IQCH: variants seen among roughly 807,000 people sequenced by gnomAD.
IQCH encodes the protein IQ domain-containing protein H.
A neutral mutation model predicts 117.0 loss-of-function variants in IQCH; 98 were observed. The ratio of observed to expected loss-of-function variants is 0.84; its 90% CI spans 0.71 to 0.99. The LOEUF (loss-of-function observed/expected upper bound fraction) is 0.99. Among genes scored for constraint, IQCH ranks in the 50% least tolerant of loss-of-function variants. IQCH has a pLI of 0.00. For missense variants in IQCH, 1,102 were observed against 1,243.8 expected (o/e 0.89, Z 1.72); for synonymous variants, 412 against 448.2 (o/e 0.92, Z 1.02).
chr15:67,340,143 C>T (rs1251195848), intron 5 of IQCH, among the ~76,000 whole-genome samples: 1 of 151,936 alleles, frequency 6.6e-6, no homozygotes, highest in African/African-American at 2.4e-5. Flanking sequence ...AAAAGTGACT[C>T]GTCGGCCAGC....
At chr15:67,452,904 T>C (rs367746187) in intron 16 of IQCH, among the ~76,000 whole-genome samples, 2 of 152,196 alleles carry the variant, frequency 1.3e-5, no homozygotes, top group African/African-American at 2.4e-5. Context: ...TCCCATATTT[T>C]TTGGAGGCTT....
chr15:67,478,216 C>T (rs555277432), intron 18 of IQCH, among the ~76,000 whole-genome samples: 6 of 152,088 alleles, frequency 3.9e-5, no homozygotes, highest in Non-Finnish European at 8.8e-5. Flanking sequence ...GAAACTCCGT[C>T]TCTACTGAAA....
Position 67,261,389 on chromosome 15 carries a change from T to C in IQCH, c.169T>C (p.Leu57=). 1.3e-6 allele frequency: 2 copies of C among 1,586,372 alleles called. No homozygotes were observed. Among genetic ancestry groups the C allele is most frequent in the African/African-American group, 1.4e-5 (1 of 72,866 alleles). ...ETAIKRTEVG[L]RIHIEKYLNV... ...AGCAATCAAAAGGACTGAAGTGGGG[T>C]TAAGAGTAAGTAGAGCTTTAGATAT... The change falls in exon 2 of 21, where the codon TTA becomes CTA. Residue 57 remains leucine, a synonymous_variant. Coordinates refer to ENST00000335894, the MANE Select transcript of IQCH (RefSeq NM_001031715.3).
intron 8 of IQCH, chr15:67,360,244 C>T (rs560875658): frequency 4.3e-5 from 12 of 276,130 alleles, no homozygotes; most frequent in East Asian, 9.2e-5. Flanking sequence ...AAAATAAATG[C>T]GGTTGTCCCC....
intron 4 of IQCH, chr15:67,307,350 A>G (rs565527993): frequency 1.7e-5 from 3 of 173,240 alleles, no homozygotes; most frequent in Admixed American, 6.5e-5. Flanking sequence ...TTCACAAATC[A>G]TAGTTTCATT....
At chr15:67,414,101 G>T (rs2081516109) in intron 14 of IQCH, among the ~76,000 whole-genome samples, 1 of 152,216 alleles carries the variant, frequency 6.6e-6, no homozygotes. Flanking sequence ...GTCCGCCCAG[G>T]AAGAATTTGT....
At position 67,454,322 on chromosome 15, in the gene IQCH, C is replaced by T. The variant is rs912438815; in HGVS notation, c.2506-10805C>T. On this transcript the variant is annotated intron_variant, in intron 16 of 20. Coordinates refer to ENST00000335894, the MANE Select transcript of IQCH (RefSeq NM_001031715.3). The surrounding 1 kb of genome is among the most constrained non-coding windows in gnomAD (Gnocchi z 5.2). ...GAAATCACCCGTCTTCTGCGTCGCT[C>T]ACGCTGGGAGCTGTAGACCGGAGCT... is the stretch of plus-strand genomic sequence containing the variant. Among the ~76,000 whole-genome samples, 3 of 152,252 alleles carry T rather than the reference C, an allele frequency of 2.0e-5. No individual in the cohort carries two copies. The highest frequency in any genetic ancestry group is 7.2e-5 in the African/African-American group (3 of 41,466).
At chr15:67,434,953 T>A (rs556836191) in intron 16 of IQCH, among the ~76,000 whole-genome samples, 2 of 150,650 alleles carry the variant, frequency 1.3e-5, no homozygotes, top group African/African-American at 2.4e-5. Context: ...GTATTTTTTT[T>A]TAATTTTTTT....
Position 67,426,017 on chromosome 15 carries a change from T to C in IQCH, c.2505+4440T>C, listed in dbSNP as rs773955352. Among the ~76,000 whole-genome samples the C allele has an allele frequency of 1.3e-5, 2 of 152,244 alleles. No homozygotes were observed. The highest frequency in any genetic ancestry group is 2.9e-5 in the Non-Finnish European group (2 of 68,052). On this transcript the variant is annotated intron_variant, in intron 16 of 20. Transcript: ENST00000335894. The surrounding 1 kb of genome is among the most constrained non-coding windows in gnomAD (Gnocchi z 5.1). Reference sequence around the variant, plus strand: ...CCTTCAGGGTGTGTCTTGTGTCCTTTTGACATGTCCTCATCATTCTTTGAG... The same window carrying C: ...CCTTCAGGGTGTGTCTTGTGTCCTTCTGACATGTCCTCATCATTCTTTGAG...
At chr15:67,336,937 G>T in intron 4 of IQCH, 38 bp from the exon 5 acceptor site, 1 of 1,607,334 alleles carries the variant, frequency 6.2e-7, no homozygotes, top group African/African-American at 1.3e-5. Context: ...CACTGTGAAG[G>T]CAAAAATGTT....
chr15:67,443,542 C>A lies in IQCH; in HGVS notation c.2506-21585C>A, dbSNP rs554988874. Among the ~76,000 whole-genome samples the A allele has an allele frequency of 7.3e-4, 111 of 152,238 alleles. 1 individual carries two copies. In the South Asian group the frequency reaches 0.023, roughly 31 times the overall value. ...ACCACAAAAGAACTTACTCATGTAA[C>A]CAAATACCACCTGTACCCCAGTAAC... is the stretch of plus-strand genomic sequence containing the variant. On this transcript the variant is annotated intron_variant, in intron 16 of 20. Coordinates refer to ENST00000335894, the MANE Select transcript of IQCH (RefSeq NM_001031715.3). This position sits in a 1 kb window ranked among gnomAD's most constrained non-coding sequence, Gnocchi z 5.0.
rs2081611276 is a variant in IQCH at position 67,417,671 on chromosome 15, A to G, written c.2218+620A>G. Among the ~76,000 whole-genome samples, 1 of 152,060 alleles carries G rather than the reference A, an allele frequency of 6.6e-6. No homozygotes were observed. Among genetic ancestry groups the G allele is most frequent in the East Asian group, 1.9e-4 (1 of 5,190 alleles). On this transcript the variant is annotated intron_variant, in intron 15 of 20. Transcript: ENST00000335894. This position sits in a 1 kb window ranked among gnomAD's most constrained non-coding sequence, Gnocchi z 4.3. Reference sequence around the variant, plus strand: ...CCTAACAACATTGGGTGGTCTATGAATGAGGGAATGAATGGAGTGAATGAT... The same window carrying G: ...CCTAACAACATTGGGTGGTCTATGAGTGAGGGAATGAATGGAGTGAATGAT...
chr15:67,439,359 T>C lies in IQCH; in HGVS notation c.2505+17782T>C, dbSNP rs186233660. Reference sequence around the variant, plus strand: ...AAATCAAACAATTATTTGAACTGAATGACAATAATGACACAACCTGTCAAA... The same window carrying C: ...AAATCAAACAATTATTTGAACTGAACGACAATAATGACACAACCTGTCAAA... On this transcript the variant is annotated intron_variant, in intron 16 of 20. Transcript: ENST00000335894. Among the ~76,000 whole-genome samples, 39 of 152,230 alleles carry C rather than the reference T, an allele frequency of 2.6e-4. 1 individual carries two copies. The highest frequency in any genetic ancestry group is 2.1e-3 in the Admixed American group (32 of 15,278).
rs1297340183 is a variant in IQCH at position 67,453,045 on chromosome 15, G to A, written c.2506-12082G>A. Among the ~76,000 whole-genome samples, 5 of 152,044 alleles carry A rather than the reference G, an allele frequency of 3.3e-5. No individual in the cohort carries two copies. Among genetic ancestry groups the A allele is most frequent in the East Asian group, 1.9e-4 (1 of 5,200 alleles). The stretch of plus-strand genomic sequence containing the variant: ...CTAATAAGGCTTCTGCATTCGTCAC[G>A]TAGCTCTCGTGCCTTGGTTTTCAGC... On this transcript the variant is annotated intron_variant, in intron 16 of 20. Coordinates refer to ENST00000335894, the MANE Select transcript of IQCH (RefSeq NM_001031715.3). This position sits in a 1 kb window ranked among gnomAD's most constrained non-coding sequence, Gnocchi z 5.8.
chr15:67,345,637 C>T (rs1399805829), intron 6 of IQCH, among the ~76,000 whole-genome samples: 1 of 152,118 alleles, frequency 6.6e-6, no homozygotes, highest in East Asian at 1.9e-4. Flanking sequence ...CTACAAAATA[C>T]CTGACCATAC....
At chr15:67,286,205 A>G (rs982368331) in intron 4 of IQCH, among the ~76,000 whole-genome samples, 1 of 152,000 alleles carries the variant, frequency 6.6e-6, no homozygotes, top group Admixed American at 6.6e-5. Context: ...TGTAAATGGG[A>G]TTACTGTCTT....
At chr15:67,287,537 A>G (rs1430028341) in intron 4 of IQCH, among the ~76,000 whole-genome samples, 1 of 151,310 alleles carries the variant, frequency 6.6e-6, no homozygotes, top group Non-Finnish European at 1.5e-5. Flanking sequence ...TTTCTTCTAG[A>G]TTTTCCAATT....
intron 3 of IQCH, among the ~76,000 whole-genome samples, chr15:67,266,611 T>A (rs1248932373): frequency 6.6e-6 from 1 of 152,144 alleles, no homozygotes; most frequent in Non-Finnish European, 1.5e-5. Context: ...GAGCCGAGAT[T>A]GTGCCACTGC....
chr15:67,280,837 G>GTTATTATTATTA (rs61573874), intron 4 of IQCH, among the ~76,000 whole-genome samples: 58 of 125,134 alleles, frequency 4.6e-4, no homozygotes, highest in African/African-American at 1.4e-3. Flanking sequence ...AGAAGGAGGT[G>GTTATTATTATTA]TTATTATTAT....
Sources: gnomAD v4.1 joint callset for allele counts (sites outside exome capture counted in the v4.1 genomes callset) on GRCh38, gnomAD v4.1.1 for gene constraint, Gnocchi (gnomAD v3.1) non-coding constraint, MANE v1.5 for transcripts, NCBI Gene and HGNC (gene_info 2026-07-23, HGNC 2026-07-21) for gene names.